OPCML: variants seen among roughly 807,000 people sequenced by gnomAD.
The protein encoded by OPCML is opioid-binding protein/cell adhesion molecule.
A neutral mutation model predicts 37.8 loss-of-function variants in OPCML; 13 were observed. That is an observed-to-expected ratio of 0.34 (90% CI 0.22 to 0.55). The LOEUF (loss-of-function observed/expected upper bound fraction) is 0.55. OPCML is among the 20% of genes least tolerant of loss of function. OPCML has a pLI of 0.91. For synonymous variants in OPCML, 176 were observed against 168.8 expected (o/e 1.04, Z -0.33); for missense variants, 341 against 435.6 (o/e 0.78, Z 1.93).
At chr11:132,742,605 T>C (rs1448890314) in intron 2 of OPCML, among the ~76,000 whole-genome samples, 2 of 151,996 alleles carry the variant, frequency 1.3e-5, no homozygotes, top group African/African-American at 4.8e-5. Context: ...CTATCTCTGG[T>C]ATTTTTGGTA....
At chr11:132,992,276 TACAC>T (rs892167611) in intron 1 of OPCML, among the ~76,000 whole-genome samples, 7 of 152,036 alleles carry the variant, frequency 4.6e-5, no homozygotes, top group African/African-American at 1.7e-4. Context: ...TACACACACA[TACAC>T]ACTCACTCAT....
intron 2 of OPCML, among the ~76,000 whole-genome samples, chr11:132,696,561 C>G (rs1943606634): frequency 6.6e-6 from 1 of 151,860 alleles, no homozygotes; most frequent in Admixed American, 6.6e-5. Flanking sequence ...AAATAACAAG[C>G]CCATGGAATT....
chr11:132,472,272 T>C (rs1039190169), intron 4 of OPCML, among the ~76,000 whole-genome samples: 2 of 152,200 alleles, frequency 1.3e-5, no homozygotes, highest in Non-Finnish European at 2.9e-5. Context: ...CAGTATCTCA[T>C]TTGTCTCTGT....
chr11:132,930,460 G>T (rs1279567372), intron 2 of OPCML, among the ~76,000 whole-genome samples: 1 of 152,126 alleles, frequency 6.6e-6, no homozygotes, highest in Admixed American at 6.6e-5. Flanking sequence ...ATAATCTTAT[G>T]TGTAGAAAAC....
At chr11:132,701,433 G>A (rs560206501) in intron 2 of OPCML, among the ~76,000 whole-genome samples, 64 of 152,262 alleles carry the variant, frequency 4.2e-4, no homozygotes, top group Admixed American at 9.2e-4. Context: ...TTTACTTAAA[G>A]TCTATTTCTG....
At chr11:132,420,658 A>G (rs571621645) in intron 7 of OPCML, among the ~76,000 whole-genome samples, 1 of 152,324 alleles carries the variant, frequency 6.6e-6, no homozygotes, top group South Asian at 2.1e-4. Context: ...TGTCCAGTAC[A>G]GACAATGATG....
Position 132,880,945 on chromosome 11 carries a change from C to T in OPCML, c.146+61981G>A, listed in dbSNP as rs148550404. ...TCCCCACCCCCACTTCCATTCCCAG[C>T]CCCTTGCCTCTTTTGGCCAGACTAA... On this transcript the variant is annotated intron_variant, in intron 2 of 7. Transcript: ENST00000524381. 1.7e-3 allele frequency among the ~76,000 whole-genome samples: 261 copies of T among 152,316 alleles called. 1 individual carries two copies. The highest frequency in any genetic ancestry group is 6.8e-3 in the Middle Eastern group (2 of 294).
rs551969486 is a variant in OPCML at position 132,976,888 on chromosome 11, G to A, written c.62-33878C>T. Reference sequence around the variant, plus strand: ...CCACGGAATTCCTTATTTCAAAAGAGATTAGAGAAGGGGCAGAAAATTTAG... The same window carrying A: ...CCACGGAATTCCTTATTTCAAAAGAAATTAGAGAAGGGGCAGAAAATTTAG... On this transcript the variant is annotated intron_variant, in intron 1 of 7. Coordinates refer to ENST00000524381, the MANE Select transcript of OPCML (RefSeq NM_001012393.5). Among the ~76,000 whole-genome samples the A allele has an allele frequency of 2.3e-3, 354 of 152,252 alleles. 3 individuals carry two copies. Among genetic ancestry groups the A allele is most frequent in the African/African-American group, 8.2e-3 (339 of 41,554 alleles).
chr11:133,299,668 C>G (rs1942731513), intron 1 of OPCML: 1 of 152,132 alleles, frequency 6.6e-6, no homozygotes. Context: ...CTGAATATCT[C>G]CAGACAGAAC....
intron 3 of OPCML, among the ~76,000 whole-genome samples, chr11:132,576,847 T>C (rs1299399782): frequency 6.6e-6 from 1 of 152,142 alleles, no homozygotes; most frequent in African/African-American, 2.4e-5. Context: ...GTCTGCTTGC[T>C]CTGTGGGTTG....
chr11:133,393,078 G>T (rs1404394874), intron 1 of OPCML, among the ~76,000 whole-genome samples: 2 of 149,744 alleles, frequency 1.3e-5, no homozygotes, highest in Non-Finnish European at 3.0e-5. Flanking sequence ...TGATTTCACG[G>T]TTTAAAACAG....
intron 1 of OPCML, among the ~76,000 whole-genome samples, chr11:133,527,376 A>C (rs1464621592): frequency 6.6e-6 from 1 of 152,246 alleles, no homozygotes; most frequent in African/African-American, 2.4e-5. Flanking sequence ...AAAAAGCTTA[A>C]CAATTTCCTG....
intron 1 of OPCML, among the ~76,000 whole-genome samples, chr11:133,263,754 G>A (rs886624375): frequency 6.6e-6 from 1 of 152,100 alleles, no homozygotes; most frequent in Non-Finnish European, 1.5e-5. Context: ...GCTGAACTGC[G>A]ACAGACAGAG....
chr11:132,694,179 CTT>C (rs1162305568), intron 2 of OPCML, among the ~76,000 whole-genome samples: 13 of 43,010 alleles, frequency 3.0e-4, no homozygotes, highest in Admixed American at 1.2e-3. Flanking sequence ...AAATCAATGT[CTT>C]TTTTTTTTTT....
At chr11:133,162,927 C>T (rs1357867788) in intron 1 of OPCML, among the ~76,000 whole-genome samples, 1 of 152,166 alleles carries the variant, frequency 6.6e-6, no homozygotes, top group African/African-American at 2.4e-5. Context: ...TGCTAGTAAC[C>T]AGCCTTGCGG....
intron 1 of OPCML, among the ~76,000 whole-genome samples, chr11:133,524,587 T>G (rs1241330767): frequency 6.6e-6 from 1 of 152,218 alleles, no homozygotes; most frequent in Non-Finnish European, 1.5e-5. Context: ...ATAGCCCACA[T>G]TAGGGCCCAC....
chr11:132,960,902 C>A (rs781462103), intron 1 of OPCML, among the ~76,000 whole-genome samples: 1 of 152,154 alleles, frequency 6.6e-6, no homozygotes, highest in African/African-American at 2.4e-5. Flanking sequence ...AACCTTGTAA[C>A]TGGGGTGAGG....
At chr11:132,518,942 A>C (rs987073655) in intron 4 of OPCML, among the ~76,000 whole-genome samples, 2 of 152,166 alleles carry the variant, frequency 1.3e-5, no homozygotes, top group Non-Finnish European at 2.9e-5. Flanking sequence ...CCAATTTTAC[A>C]TTTAAGTTAG....
At chr11:132,812,870 T>C (rs906780404) in intron 2 of OPCML, among the ~76,000 whole-genome samples, 1 of 152,216 alleles carries the variant, frequency 6.6e-6, no homozygotes. Flanking sequence ...CTTAATACAG[T>C]GATTTCCACA....
Sources: gnomAD v4.1 joint callset for allele counts (sites outside exome capture counted in the v4.1 genomes callset) on GRCh38, gnomAD v4.1.1 for gene constraint, MANE v1.5 for transcripts, NCBI Gene and HGNC (gene_info 2026-07-23, HGNC 2026-07-21) for gene names.